The following ACACA variants were observed in gnomAD, a reference collection of about 807,000 sequenced individuals.
The protein encoded by ACACA is acetyl-CoA carboxylase alpha, also known as acetyl-CoA carboxylase 1.
ACACA carries 103 observed loss-of-function variants against 296.1 expected under a neutral mutation model. The ratio of observed to expected loss-of-function variants is 0.35; its 90% CI spans 0.30 to 0.41. The LOEUF (loss-of-function observed/expected upper bound fraction) is 0.41. Ranked by LOEUF, ACACA falls within the 10% of genes least tolerant of loss-of-function variation. ACACA has a pLI of 1.00. For missense variants in ACACA, 1,554 were observed against 2,989.7 expected, an observed-to-expected ratio of 0.52 and a Z score of 11.20; for synonymous variants, 953 against 1,038.6, an observed-to-expected ratio of 0.92 and a Z score of 1.58.
chr17:37,201,335 A>C (rs539393466), intron 33 of ACACA, among the ~76,000 whole-genome samples: 1 of 152,096 alleles, frequency 6.6e-6, no homozygotes, highest in African/African-American at 2.4e-5. Context: ...CAGCTACTTG[A>C]GAGAATGAGG....
rs2073972962 is a variant in ACACA at position 37,111,565 on chromosome 17, C to T, written c.6531G>A (p.Val2177=). The part of the protein sequence containing the change: ...RKDLVKTMRR[V]DPVYIHLAER... Reference sequence around the variant, plus strand: ...CAGCCAAGTGGATGTAGACTGGGTCCACCCGACGCATGGTTTTCACCAGAT... The same window carrying T: ...CAGCCAAGTGGATGTAGACTGGGTCTACCCGACGCATGGTTTTCACCAGAT... Residue 2177 remains valine (V), a synonymous_variant, in exon 52 of 56, where the codon GTG becomes GTA. Transcript: ENST00000616317. The T allele has an allele frequency of 3.7e-6, 6 of 1,614,062 alleles. No individual in the cohort carries two copies. The South Asian group carries it at 6.6e-5, about 18-fold the overall frequency.
intron 3 of ACACA, among the ~76,000 whole-genome samples, chr17:37,314,041 T>C (rs1389565699): frequency 6.6e-6 from 1 of 151,686 alleles, no homozygotes; most frequent in East Asian, 1.9e-4. Context: ...GGAGTACTAT[T>C]GAGCCATAAA....
chr17:37,396,753 G>A (rs1338568435), intron 1 of ACACA, among the ~76,000 whole-genome samples: 2 of 152,058 alleles, frequency 1.3e-5, no homozygotes, highest in African/African-American at 4.8e-5. Flanking sequence ...CCCTGGACAG[G>A]TTGAGAGTCC....
At chr17:37,214,871 A>G (rs1379003624) in intron 29 of ACACA, among the ~76,000 whole-genome samples, 1 of 152,234 alleles carries the variant, frequency 6.6e-6, no homozygotes, top group African/African-American at 2.4e-5. Context: ...AAACAATGCT[A>G]CAAGTTGGAT....
At position 37,128,023 on chromosome 17, in the gene ACACA, T is replaced by TAAAAAAAAAAAAA. The variant is rs2074890198; in HGVS notation, c.5944+1341_5944+1342insTTTTTTTTTTTTT. Among the ~76,000 whole-genome samples the TAAAAAAAAAAAAA allele has an allele frequency of 5.8e-4, 13 of 22,556 alleles. 1 individual carries two copies. Among genetic ancestry groups the TAAAAAAAAAAAAA allele is most frequent in the South Asian group, 2.8e-3 (2 of 710 alleles). The allele number at this position is 22,556 out of a possible 152,430, so 14.8% of individuals were successfully genotyped here. A position where few individuals can be genotyped will look rare whatever the true frequency, so the allele number is the denominator to read the frequency against. ...TGGAGGACAAGAGTGAAACTCCATC[T>TAAAAAAAAAAAAA]CAAAAAAAAAAAAAAAAAAAAAAAA... On this transcript the variant is annotated intron_variant, in intron 47 of 55. Coordinates refer to ENST00000616317, the MANE Select transcript of ACACA (RefSeq NM_198834.3).
intron 25 of ACACA, among the ~76,000 whole-genome samples, chr17:37,232,287 G>A (rs2079897957): frequency 1.3e-5 from 2 of 152,152 alleles, no homozygotes; most frequent in South Asian, 4.1e-4. Context: ...AGAAAGCAGA[G>A]AATGGAATAC....
chr17:37,155,863 T>TGTGGAACAAGCTTCA, intron 42 of ACACA, 83 bp from the exon 43 acceptor site: 1 of 937,154 alleles, frequency 1.1e-6, no homozygotes, highest in Non-Finnish European at 1.7e-6. Flanking sequence ...ATAATGAAGC[T>TGTGGAACAAGCTTCA]TGTTCCACAG....
rs1189193698 is a variant in ACACA, at chr17:37,390,304, TTA to T, written c.38+15956_38+15957del. 6.3e-3 allele frequency among the ~76,000 whole-genome samples: 113 copies of T among 17,934 alleles called. 6 individuals carry two copies. The highest frequency in any genetic ancestry group is 8.0e-3 in the Non-Finnish European group (99 of 12,364). 11.8% of individuals were successfully genotyped at this position (17,934 alleles called of 152,430 possible). The stretch of plus-strand genomic sequence containing the variant: ...ATATATAATTATATATTATACATAA[TTA>T]TATATATATATATATATATATATAT... On this transcript the variant is annotated intron_variant, in intron 1 of 55. Transcript: ENST00000616317.
chr17:37,314,634 C>CTTTTTT (rs57554348), intron 3 of ACACA, among the ~76,000 whole-genome samples: 16 of 110,000 alleles, frequency 1.5e-4, no homozygotes, highest in South Asian at 3.4e-4. Flanking sequence ...GGAATCCACA[C>CTTTTTT]TTTTTTTTTT....
In ACACA at chr17:37,260,280, ATATATATATATATATATTTTTTTTT is replaced by A. The variant is rs1230901375; in HGVS notation, c.1330-775_1330-751del. ...TATATATATATATATATATATATAT[ATATATATATATATATATTTTTTTTT>A]TTTTTTTTTTTGGAGATGGAGTCTC... On this transcript the variant is annotated intron_variant, in intron 11 of 55. Transcript: ENST00000616317. Among the ~76,000 whole-genome samples the A allele has an allele frequency of 2.1e-3, 67 of 32,412 alleles. 1 individual carries two copies. The highest frequency in any genetic ancestry group is 0.012 in the African/African-American group (64 of 5,304). The allele number at this position is 32,412 out of a possible 152,430, so 21.3% of individuals were successfully genotyped here.
chr17:37,227,783 C>G (rs368108535), intron 25 of ACACA, among the ~76,000 whole-genome samples: 1 of 150,466 alleles, frequency 6.6e-6, no homozygotes, highest in Non-Finnish European at 1.5e-5. Context: ...TGGCGTGAAC[C>G]CGGGAGGTGG....
chr17:37,111,742 A>G, intron 51 of ACACA, 99 bp from the exon 52 acceptor site: 1 of 889,968 alleles, frequency 1.1e-6, no homozygotes, highest in African/African-American at 1.6e-5. Flanking sequence ...ACCAGGAAAT[A>G]GCTTCATTAT....
chr17:37,221,950 G>A, intron 28 of ACACA, 108 bp from the exon 29 acceptor site: 2 of 904,132 alleles, frequency 2.2e-6, no homozygotes, highest in South Asian at 2.7e-5. Flanking sequence ...GGTGCTCTGT[G>A]GGGAGAGAAG....
At chr17:37,235,288 G>A (rs1198423730) in intron 24 of ACACA, among the ~76,000 whole-genome samples, 189 bp from the exon 25 acceptor site, 1 of 152,082 alleles carries the variant, frequency 6.6e-6, no homozygotes, top group East Asian at 1.9e-4. Flanking sequence ...TAGGAGTCAG[G>A]CAATTTGGAT....
chr17:37,319,424 G>A (rs1007139700), intron 3 of ACACA, among the ~76,000 whole-genome samples: 2 of 152,136 alleles, frequency 1.3e-5, no homozygotes, highest in Non-Finnish European at 2.9e-5. Flanking sequence ...GATACAGATG[G>A]TAGGGAGTAA....
At chr17:37,151,751 TC>T (rs1289659517) in intron 43 of ACACA, among the ~76,000 whole-genome samples, 6 of 152,132 alleles carry the variant, frequency 3.9e-5, no homozygotes, top group Non-Finnish European at 7.4e-5. Flanking sequence ...AAGCTCTGCC[TC>T]CCGGGTTCAC....
Position 37,121,425 on chromosome 17 carries a change from C to T in ACACA, c.6204G>A (p.Lys2068=), listed in dbSNP as rs1179675880. 1 of 1,614,142 alleles carries T rather than the reference C, an allele frequency of 6.2e-7. No homozygotes were observed. Among genetic ancestry groups the T allele is most frequent in the African/African-American group, 1.3e-5 (1 of 75,026 alleles). Residue 2068 remains lysine, a synonymous_variant, in exon 50 of 56, where the codon AAG becomes AAA. Transcript: ENST00000616317. ...GAGGCAGCCCTTCCCGGTTGAAGTC[C>T]TTGATGGCCTGATACGTCTTAAACG... is the stretch of plus-strand genomic sequence containing the variant. ...DSAFKTYQAI[K]DFNREGLPLM... is the part of the protein sequence containing the mutation.
At chr17:37,365,321 T>A (rs1192824217) in intron 1 of ACACA, 7 of 467,190 alleles carry the variant, frequency 1.5e-5, no homozygotes, top group Non-Finnish European at 2.0e-5. Context: ...GCTCTCCAGT[T>A]AAATCCTGAA....
At chr17:37,175,651 T>C (rs956477672) in intron 41 of ACACA, among the ~76,000 whole-genome samples, 4 of 152,202 alleles carry the variant, frequency 2.6e-5, no homozygotes, top group African/African-American at 9.7e-5. Flanking sequence ...TTTTCATCTT[T>C]ACTTGAAACT....
Sources: allele counts gnomAD v4.1 joint callset (sites outside exome capture counted in the v4.1 genomes callset), GRCh38; gene constraint gnomAD v4.1.1; transcripts MANE v1.5; gene names NCBI Gene and HGNC (gene_info 2026-07-23, HGNC 2026-07-21).